The following TRMT6 variants were observed in gnomAD, a reference collection of about 807,000 sequenced individuals.
TRMT6 encodes the protein tRNA methyltransferase 6 non-catalytic subunit.
Under a neutral mutation model 59.0 loss-of-function variants are expected in TRMT6, and 34 were observed. The observed-to-expected ratio is 0.58, with a 90% CI of 0.44 to 0.77. The LOEUF is 0.77. TRMT6 is among the 30% of genes least tolerant of loss of function. TRMT6 has a pLI of 0.00. For synonymous variants in TRMT6, 217 were observed against 210.5 expected (o/e 1.03, Z -0.27); for missense variants, 575 against 604.5 (o/e 0.95, Z 0.51).
Position 5,950,431 on chromosome 20 carries a change from A to G in TRMT6, c.-26T>C. ...GACGCTCAGCCGGTCGCCGTGCTCC[A>G]CGGCGTCCCGCCCCTCCTCCTCGGT... On this transcript the variant is annotated 5_prime_UTR_variant, in exon 1 of 11. Transcript: ENST00000203001. 1 of 1,526,604 alleles carries G rather than the reference A, an allele frequency of 6.6e-7. No individual in the cohort carries two copies. The highest frequency in any genetic ancestry group is 2.4e-5 in the East Asian group (1 of 41,714). 94.6% of individuals were successfully genotyped at this position (1,526,604 alleles called of 1,614,324 possible).
chr20:5,944,411 T>G (rs1384519074), intron 3 of TRMT6, among the ~76,000 whole-genome samples, 158 bp from the exon 4 acceptor site: 2 of 152,226 alleles, frequency 1.3e-5, no homozygotes, highest in Non-Finnish European at 2.9e-5. Flanking sequence ...CTATACTCTA[T>G]TTGGAATTTA....
intron 10 of TRMT6, among the ~76,000 whole-genome samples, chr20:5,939,912 A>G (rs986865438): frequency 6.6e-6 from 1 of 152,142 alleles, no homozygotes; most frequent in Non-Finnish European, 1.5e-5. Context: ...ATCTCCCTTC[A>G]TGAGGGAACA....
In TRMT6 at chr20:5,950,518, C is replaced by G. The variant is rs1482062041; in HGVS notation, c.-113G>C. On this transcript the variant is annotated 5_prime_UTR_variant, in exon 1 of 11. Coordinates refer to ENST00000203001, the MANE Select transcript of TRMT6 (RefSeq NM_015939.5). Reference sequence around the variant, plus strand: ...GCACTAGGAGCCCTCCGACCGGCACCGCCCCCACGTGTTGCACGCCGCTTC... The same window carrying G: ...GCACTAGGAGCCCTCCGACCGGCACGGCCCCCACGTGTTGCACGCCGCTTC... The G allele has an allele frequency of 1.9e-5, 23 of 1,237,774 alleles. No individual in the cohort carries two copies. The highest frequency in any genetic ancestry group is 2.5e-5 in the Non-Finnish European group (23 of 932,672). 76.7% of individuals were successfully genotyped at this position (1,237,774 alleles called of 1,614,324 possible). A position where few individuals can be genotyped will look rare whatever the true frequency, so the allele number is the denominator to read the frequency against.
intron 10 of TRMT6, among the ~76,000 whole-genome samples, chr20:5,939,282 A>G (rs139671372): frequency 0.041 from 6,249 of 152,212 alleles, 149 homozygotes; most frequent in Middle Eastern, 0.1. Flanking sequence ...GGAGTTTGAG[A>G]TCAGCCTGGC....
In TRMT6 at chr20:5,943,942, G is replaced by A; in HGVS notation, c.542+6C>T. On this transcript the variant is annotated splice_donor_region_variant and intron_variant, in intron 5 of 10. Coordinates refer to ENST00000203001, the MANE Select transcript of TRMT6 (RefSeq NM_015939.5). ...AATTATACTTTTGAAAGGAAACAAA[G>A]CGTACTTAATTTTTCCAGGTTCTCT... 1 of 1,603,650 alleles carries A rather than the reference G, an allele frequency of 6.2e-7. No homozygotes were observed. Among genetic ancestry groups the A allele is most frequent in the Non-Finnish European group, 8.5e-7 (1 of 1,177,010 alleles).
chr20:5,939,188 G>A (rs2088634939), intron 10 of TRMT6, among the ~76,000 whole-genome samples: 1 of 151,992 alleles, frequency 6.6e-6, no homozygotes. Flanking sequence ...ATTTTCTTTT[G>A]AAAAATAAAA....
intron 8 of TRMT6, chr20:5,941,631 C>T: frequency 1.8e-6 from 1 of 548,856 alleles, no homozygotes; most frequent in East Asian, 3.0e-5. Flanking sequence ...TCCAACACTG[C>T]ATAAGCTGCT....
rs200589117 is a variant in TRMT6, at chr20:5,950,246, G to A, written c.128+32C>T. On this transcript the variant is annotated intron_variant, in intron 1 of 10. Transcript: ENST00000203001. ...GAGGGGGTATCTACAAGGTGGGGGC[G>A]GGAGACCCCTAAAATCAGCGATCTG... The A allele has an allele frequency of 2.1e-5, 33 of 1,550,984 alleles. 1 individual carries two copies. The African/African-American group carries it at 4.0e-4, about 19-fold the overall frequency.
At chr20:5,942,070 G>A in intron 7 of TRMT6, 34 bp from the exon 8 acceptor site, 1 of 1,547,826 alleles carries the variant, frequency 6.5e-7, no homozygotes, top group African/African-American at 1.4e-5. Flanking sequence ...CAATGTACTG[G>A]GGTCTTTCAG....
Position 5,942,798 on chromosome 20 carries a change from A to G in TRMT6, c.668-12T>C. The stretch of plus-strand genomic sequence containing the variant: ...AATGGAGCCAAAACCTGAACAGATA[A>G]AAGAAACAAACATCTGCCCGTGGAG... On this transcript the variant is annotated splice_polypyrimidine_tract_variant and intron_variant, in intron 6 of 10. Transcript: ENST00000203001. The G allele has an allele frequency of 6.2e-7, 1 of 1,600,514 alleles. No homozygotes were observed. The highest frequency in any genetic ancestry group is 8.5e-7 in the Non-Finnish European group (1 of 1,171,516).
At position 5,950,290 on chromosome 20, in the gene TRMT6, A is replaced by G; in HGVS notation, c.116T>C (p.Val39Ala). 1.9e-6 allele frequency: 3 copies of G among 1,611,356 alleles called. No individual in the cohort carries two copies. Among genetic ancestry groups the G allele is most frequent in the Non-Finnish European group, 1.7e-6 (2 of 1,178,368 alleles). The stretch of plus-strand genomic sequence containing the variant: ...CGATCTGACTTACTTTCTCCGCTGG[A>G]CTTGTACTGCTTTAAACACATCTTC... ...KREDVFKAVQ[V>A]QRRKKVTFEK... The change falls in exon 1 of 11, where the codon GTC (valine) becomes GCC (alanine). Residue 39 changes from valine (V) to alanine (A), a missense_variant. Coordinates refer to ENST00000203001, the MANE Select transcript of TRMT6 (RefSeq NM_015939.5).
In TRMT6 at chr20:5,937,638, G is replaced by C. The variant is rs2088618867; in HGVS notation, c.*897C>G. ...TGGTCTAAGTCCTGCACAAGACTTT[G>C]ATACAGTTCAAATAGACTGCACACT... On this transcript the variant is annotated 3_prime_UTR_variant, in exon 11 of 11. Coordinates refer to ENST00000203001, the MANE Select transcript of TRMT6 (RefSeq NM_015939.5). The C allele has an allele frequency of 6.6e-6, 1 of 151,918 alleles. No homozygotes were observed. Among genetic ancestry groups the C allele is most frequent in the Non-Finnish European group, 1.5e-5 (1 of 67,966 alleles). 9.4% of individuals were successfully genotyped at this position (151,918 alleles called of 1,614,324 possible).
rs567905906 is a variant in TRMT6, at chr20:5,938,560, C to T, written c.1469G>A (p.Arg490Gln). The change falls in exon 11 of 11, where the codon CGA becomes CAA. Residue 490 changes from arginine to glutamine, a missense_variant. Physicochemically the swap from Arg to Gln is conservative, Grantham distance 43. Coordinates refer to ENST00000203001, the MANE Select transcript of TRMT6 (RefSeq NM_015939.5). ...HETEEPAAKK[R>Q]KCPESDS ...TTAAGAGTCAGACTCTGGGCATTTTCGTTTTTTAGCTGCAGGCTCCTCAGT... is the reference window on the plus strand; with the variant it reads ...TTAAGAGTCAGACTCTGGGCATTTTTGTTTTTTAGCTGCAGGCTCCTCAGT... 7 of 1,614,044 alleles carry T rather than the reference C, an allele frequency of 4.3e-6. No individual in the cohort carries two copies. In the East Asian group the frequency reaches 6.7e-5, roughly 15 times the overall value.
chr20:5,939,605 A>G (rs1479101085), intron 10 of TRMT6, among the ~76,000 whole-genome samples: 2 of 151,990 alleles, frequency 1.3e-5, no homozygotes, highest in African/African-American at 4.8e-5. Flanking sequence ...GCAGTACTCT[A>G]GAACTGTGCA....
rs770657854 is a variant in TRMT6, at chr20:5,942,015, G to C, written c.1048C>G (p.Gln350Glu). Residue 350 changes from glutamine (Q) to glutamate (E), a missense_variant, in exon 8 of 11, where the codon CAA (glutamine) becomes GAA (glutamate). Coordinates refer to ENST00000203001, the MANE Select transcript of TRMT6 (RefSeq NM_015939.5). ...KDYIQEKQRR[Q>E]EEQRKRHLEA... is the part of the protein sequence containing the mutation. ...AAATGTCTTTTCCTCTGCTCTTCTT[G>C]TCTCCTCTGTTTTTCCTGAATCTTC... 1.2e-6 allele frequency: 2 copies of C among 1,612,874 alleles called. No homozygotes were observed. The highest frequency in any genetic ancestry group is 8.5e-7 in the Non-Finnish European group (1 of 1,179,980).
chr20:5,949,607 C>T (rs1376468938), intron 1 of TRMT6, among the ~76,000 whole-genome samples: 1 of 152,180 alleles, frequency 6.6e-6, no homozygotes, highest in Non-Finnish European at 1.5e-5. Context: ...GCGTTGAATC[C>T]TTTGGTGAGT....
Position 5,942,642 on chromosome 20 carries a change from G to C in TRMT6, c.812C>G (p.Ser271Cys). Residue 271 changes from serine (S) to cysteine (C), a missense_variant, in exon 7 of 11, where the codon TCT (serine) becomes TGT (cysteine). Transcript: ENST00000203001. The stretch of plus-strand genomic sequence containing the variant: ...TGGCTCTGAAGATAACATCTTGGCA[G>C]AAAATGTTCCATGTAGAAGACTGTC... Reference protein sequence around the residue: ...KVDSLLHGTFSAKMLSSEPKD... With the variant: ...KVDSLLHGTFCAKMLSSEPKD... 1.2e-6 allele frequency: 2 copies of C among 1,614,118 alleles called. No individual in the cohort carries two copies. The highest frequency in any genetic ancestry group is 4.5e-5 in the East Asian group (2 of 44,888).
Position 5,938,494 on chromosome 20 carries a change from A to G in TRMT6, c.*41T>C, listed in dbSNP as rs2122594780. On this transcript the variant is annotated 3_prime_UTR_variant, in exon 11 of 11. Transcript: ENST00000203001. Reference sequence around the variant, plus strand: ...CATTTAAAGTTTAATTACTAACTGTATAATGCCTGAGAACAAAATTCAGAG... The same window carrying G: ...CATTTAAAGTTTAATTACTAACTGTGTAATGCCTGAGAACAAAATTCAGAG... The G allele has an allele frequency of 6.3e-7, 1 of 1,582,984 alleles. No homozygotes were observed. The highest frequency in any genetic ancestry group is 1.4e-5 in the African/African-American group (1 of 73,766).
At chr20:5,946,266 C>T in intron 2 of TRMT6, 140 bp downstream of exon 2, 1 of 1,015,998 alleles carries the variant, frequency 9.8e-7, no homozygotes, top group East Asian at 2.4e-5. Flanking sequence ...TGCTTCACTC[C>T]ACTGAGCTGC....
Sources: gnomAD v4.1 joint callset for allele counts (sites outside exome capture counted in the v4.1 genomes callset) on GRCh38, gnomAD v4.1.1 for gene constraint, MANE v1.5 for transcripts, NCBI Gene and HGNC (gene_info 2026-07-23, HGNC 2026-07-21) for gene names.